The following GPHN variants were observed in gnomAD, a reference collection of about 807,000 sequenced individuals.
The protein encoded by GPHN is gephyrin.
GPHN carries 17 observed loss-of-function variants against 95.5 expected under a neutral mutation model. The ratio of observed to expected loss-of-function variants is 0.18; its 90% CI spans 0.12 to 0.27. The LOEUF is 0.27. Ranked by LOEUF, GPHN falls within the 10% of genes least tolerant of loss-of-function variation. GPHN has a pLI of 1.00. For synonymous variants in GPHN, 320 were observed against 322.5 expected (o/e 0.99, Z 0.08); for missense variants, 660 against 978.1 (o/e 0.67, Z 4.34).
At chr14:67,130,531 C>G (rs1280568770) in intron 17 of GPHN, among the ~76,000 whole-genome samples, 1 of 152,044 alleles carries the variant, frequency 6.6e-6, no homozygotes, top group Non-Finnish European at 1.5e-5. Flanking sequence ...GAAGAGCATT[C>G]TATGTCTCTG....
At chr14:67,162,297 A>G (rs946684558) in intron 19 of GPHN, among the ~76,000 whole-genome samples, 1 of 152,188 alleles carries the variant, frequency 6.6e-6, no homozygotes, top group African/African-American at 2.4e-5. Context: ...CCTCATTCTT[A>G]TTATCTGTAG....
chr14:67,653,733 C>G, the GPHN span, among the ~76,000 whole-genome samples: 45 of 152,310 alleles, frequency 3.0e-4, 1 homozygote, highest in African/African-American at 1.1e-3. Flanking sequence ...TGGGGATGGA[C>G]TCCTGAGACT....
At position 66,594,270 on chromosome 14, in the gene GPHN, C is replaced by T. The variant is rs370519252; in HGVS notation, c.64+85679C>T. Among the ~76,000 whole-genome samples, 200 of 151,552 alleles carry T rather than the reference C, an allele frequency of 1.3e-3. 1 individual carries two copies. Among genetic ancestry groups the T allele is most frequent in the African/African-American group, 4.1e-3 (168 of 41,146 alleles). On this transcript the variant is annotated intron_variant, in intron 1 of 22. Transcript: ENST00000478722. The stretch of plus-strand genomic sequence containing the variant: ...TTATCTACAGATTCCATGCAACCCC[C>T]GTCAAAAACTCCAATGACATATTCC...
the GPHN span, among the ~76,000 whole-genome samples, chr14:67,595,356 A>T: frequency 6.6e-6 from 1 of 152,184 alleles, no homozygotes; most frequent in Non-Finnish European, 1.5e-5. Flanking sequence ...TTTCCGCATC[A>T]TCCTAAAGTC....
chr14:67,264,487 G>A, the GPHN span, among the ~76,000 whole-genome samples: 1 of 151,980 alleles, frequency 6.6e-6, no homozygotes, highest in African/African-American at 2.4e-5. Flanking sequence ...TTTTCTTGTA[G>A]CAGTTTTGCA....
rs1470854286 is a variant in GPHN at position 66,685,287 on chromosome 14, C to A, written c.143+4102C>A. Among the ~76,000 whole-genome samples, 4 of 152,250 alleles carry A rather than the reference C, an allele frequency of 2.6e-5. No individual in the cohort carries two copies. The East Asian group carries it at 7.7e-4, about 29-fold the overall frequency. On this transcript the variant is annotated intron_variant, in intron 2 of 22. Coordinates refer to ENST00000478722, the MANE Select transcript of GPHN (RefSeq NM_020806.5). ...ACCCAGTAATGGGATGGCTGGGTCA[C>A]ATGGTATTTCTAGTTCTAGATCCCT...
chr14:66,729,641 A>T (rs1184572682), intron 2 of GPHN, among the ~76,000 whole-genome samples: 2 of 152,266 alleles, frequency 1.3e-5, no homozygotes, highest in African/African-American at 4.8e-5. Context: ...TCCATCAAAC[A>T]TAACATCAGA....
intron 3 of GPHN, among the ~76,000 whole-genome samples, chr14:66,810,257 A>G (rs1475730622): frequency 6.6e-6 from 1 of 151,962 alleles, no homozygotes; most frequent in Non-Finnish European, 1.5e-5. Context: ...ACTACTGGAA[A>G]ACTAAATCAT....
chr14:66,655,888 T>A (rs1199440939), intron 1 of GPHN, among the ~76,000 whole-genome samples: 1 of 152,182 alleles, frequency 6.6e-6, no homozygotes, highest in East Asian at 1.9e-4. Context: ...GTTAATATGA[T>A]GTTTTACATT....
chr14:67,433,919 G>T, the GPHN span, among the ~76,000 whole-genome samples: 1 of 152,182 alleles, frequency 6.6e-6, no homozygotes, highest in Non-Finnish European at 1.5e-5. Flanking sequence ...AAAACATTTT[G>T]ACTATTGATG....
At chr14:67,427,240 T>C in the GPHN span, among the ~76,000 whole-genome samples, 1 of 152,190 alleles carries the variant, frequency 6.6e-6, no homozygotes, top group Non-Finnish European at 1.5e-5. Flanking sequence ...ACTATCCAAA[T>C]GCCATTATAA....
At chr14:67,590,937 G>A in the GPHN span, among the ~76,000 whole-genome samples, 1 of 152,190 alleles carries the variant, frequency 6.6e-6, no homozygotes, top group South Asian at 2.1e-4. Context: ...AACACAAGAA[G>A]TGCAGTTTAA....
chr14:67,328,072 T>C, the GPHN span, among the ~76,000 whole-genome samples: 1 of 152,220 alleles, frequency 6.6e-6, no homozygotes, highest in Non-Finnish European at 1.5e-5. Context: ...TCTTCCACAA[T>C]GGTTGAACTA....
At chr14:67,073,659 T>C (rs2076391961) in intron 11 of GPHN, among the ~76,000 whole-genome samples, 2 of 152,188 alleles carry the variant, frequency 1.3e-5, no homozygotes, top group African/African-American at 4.8e-5. Flanking sequence ...TTGCATCTTT[T>C]TGTACCACTA....
the GPHN span, among the ~76,000 whole-genome samples, chr14:67,370,825 A>G: frequency 1.2e-4 from 19 of 152,160 alleles, no homozygotes; most frequent in African/African-American, 4.3e-4. Flanking sequence ...CAGGAGTTCA[A>G]GACCAGCCTG....
the GPHN span, among the ~76,000 whole-genome samples, chr14:67,469,063 A>G: frequency 1.3e-5 from 2 of 152,254 alleles, no homozygotes; most frequent in African/African-American, 2.4e-5. Context: ...ACTACCTTGT[A>G]TATTTGTTTA....
chr14:67,450,680 A>T, the GPHN span, among the ~76,000 whole-genome samples: 2 of 152,216 alleles, frequency 1.3e-5, no homozygotes. Context: ...CAAAGCATTT[A>T]AGAGGTGACT....
At chr14:66,758,288 G>A (rs1451185929) in intron 2 of GPHN, among the ~76,000 whole-genome samples, 4 of 152,090 alleles carry the variant, frequency 2.6e-5, no homozygotes, top group Non-Finnish European at 5.9e-5. Context: ...TTTCACAGGG[G>A]ACCCACCCCC....
chr14:66,725,464 GAT>G (rs2071141259), intron 2 of GPHN, among the ~76,000 whole-genome samples: 1 of 152,088 alleles, frequency 6.6e-6, no homozygotes, highest in Non-Finnish European at 1.5e-5. Context: ...GGACAGGACA[GAT>G]AGTGTTTTTG....
Sources: gnomAD v4.1 joint callset for allele counts (sites outside exome capture counted in the v4.1 genomes callset) on GRCh38, gnomAD v4.1.1 for gene constraint, MANE v1.5 for transcripts, NCBI Gene and HGNC (gene_info 2026-07-23, HGNC 2026-07-21) for gene names.